ALCAM: variants seen among roughly 807,000 people sequenced by gnomAD.
ALCAM encodes the protein CD166 antigen.
Under a neutral mutation model 70.9 loss-of-function variants are expected in ALCAM, and 30 were observed. That is an observed-to-expected ratio of 0.42 (90% CI 0.32 to 0.57). The LOEUF is 0.57. Among genes scored for constraint, ALCAM ranks in the 20% least tolerant of loss-of-function variants. ALCAM has a pLI of 0.11. For missense variants in ALCAM, 591 were observed against 695.1 expected (o/e 0.85, Z 1.68); for synonymous variants, 249 against 242.5 (o/e 1.03, Z -0.25).
chr3:105,558,944 A>T (rs1940572787), intron 14 of ALCAM, among the ~76,000 whole-genome samples: 1 of 152,006 alleles, frequency 6.6e-6, no homozygotes, highest in Non-Finnish European at 1.5e-5. Context: ...GAATTAATAC[A>T]TGAGGATAAA....
At chr3:105,492,867 A>C (rs1230023762) in intron 1 of ALCAM, among the ~76,000 whole-genome samples, 1 of 152,226 alleles carries the variant, frequency 6.6e-6, no homozygotes, top group Non-Finnish European at 1.5e-5. Flanking sequence ...CTTTTTCAAA[A>C]CTTAATTCCA....
intron 1 of ALCAM, among the ~76,000 whole-genome samples, chr3:105,417,255 A>G (rs1936528868): frequency 6.6e-6 from 1 of 151,322 alleles, no homozygotes; most frequent in Admixed American, 6.6e-5. Flanking sequence ...ATATCTTTCC[A>G]TTTCACCCCA....
intron 14 of ALCAM, among the ~76,000 whole-genome samples, chr3:105,568,144 C>T (rs1374351122): frequency 6.7e-6 from 1 of 149,100 alleles, no homozygotes; most frequent in African/African-American, 2.5e-5. Context: ...CTCACTGCAA[C>T]CTCTGCCTCC....
chr3:105,572,370 G>A (rs1425658233), intron 15 of ALCAM, among the ~76,000 whole-genome samples: 2 of 152,174 alleles, frequency 1.3e-5, no homozygotes, highest in African/African-American at 4.8e-5. Flanking sequence ...TGCTGAGAAT[G>A]ATGGTTTCCA....
chr3:105,418,129 T>C (rs1424303610), intron 1 of ALCAM, among the ~76,000 whole-genome samples: 2 of 151,846 alleles, frequency 1.3e-5, no homozygotes, highest in Non-Finnish European at 1.5e-5. Context: ...GCTGTGGTCT[T>C]TCTTACAAAG....
chr3:105,402,938 C>CTTCTTTTTTTTTTTT (rs1936124536), intron 1 of ALCAM, among the ~76,000 whole-genome samples: 1 of 117,254 alleles, frequency 8.5e-6, no homozygotes, highest in African/African-American at 3.1e-5. Flanking sequence ...AGCTGATGCG[C>CTTCTTTTTTTTTTTT]TTTTTTTTTT....
intron 1 of ALCAM, among the ~76,000 whole-genome samples, chr3:105,430,422 G>A (rs149220848): frequency 5.9e-5 from 9 of 151,892 alleles, no homozygotes; most frequent in African/African-American, 1.9e-4. Flanking sequence ...AGTTTTGAGG[G>A]GTATTGGTCA....
intron 1 of ALCAM, among the ~76,000 whole-genome samples, chr3:105,477,578 G>A (rs1938154831): frequency 1.3e-5 from 2 of 151,938 alleles, no homozygotes; most frequent in African/African-American, 4.8e-5. Context: ...GTTTGGCTTT[G>A]TTCTACTTAA....
At chr3:105,430,791 T>C (rs897138978) in intron 1 of ALCAM, among the ~76,000 whole-genome samples, 6 of 152,140 alleles carry the variant, frequency 3.9e-5, no homozygotes, top group Admixed American at 3.3e-4. Context: ...TTAAATTGTT[T>C]GGATTTATGC....
At chr3:105,427,364 G>T (rs1936816332) in intron 1 of ALCAM, among the ~76,000 whole-genome samples, 1 of 151,918 alleles carries the variant, frequency 6.6e-6, no homozygotes. Flanking sequence ...AAGAAGGGAA[G>T]AAGAACAGCT....
chr3:105,493,166 G>A (rs142572779), intron 1 of ALCAM, among the ~76,000 whole-genome samples: 5 of 152,114 alleles, frequency 3.3e-5, no homozygotes, highest in African/African-American at 1.2e-4. Flanking sequence ...TGCTTGGATA[G>A]CCTTTTGCAA....
intron 1 of ALCAM, among the ~76,000 whole-genome samples, chr3:105,508,542 A>G (rs1939143599): frequency 6.6e-6 from 1 of 152,150 alleles, no homozygotes; most frequent in African/African-American, 2.4e-5. Flanking sequence ...AAACTATAAA[A>G]CACCATAAAA....
intron 1 of ALCAM, among the ~76,000 whole-genome samples, chr3:105,377,111 C>A (rs1335954371): frequency 6.6e-6 from 1 of 152,112 alleles, no homozygotes; most frequent in Admixed American, 6.6e-5. Flanking sequence ...TTGTACCTTT[C>A]CTTTTTCATT....
intron 1 of ALCAM, among the ~76,000 whole-genome samples, chr3:105,486,004 G>T (rs1333114657): frequency 6.6e-6 from 1 of 151,984 alleles, no homozygotes; most frequent in African/African-American, 2.4e-5. Context: ...AGCAAGATCA[G>T]ATTTCTTCAT....
intron 1 of ALCAM, among the ~76,000 whole-genome samples, chr3:105,407,185 T>A (rs150912395): frequency 0.016 from 2,410 of 151,788 alleles, 61 homozygotes; most frequent in African/African-American, 0.055. Context: ...AAAGAGGGAA[T>A]CCTCCCTAAA....
At chr3:105,525,547 C>T (rs1051461880) in intron 3 of ALCAM, among the ~76,000 whole-genome samples, 13 of 152,050 alleles carry the variant, frequency 8.5e-5, no homozygotes, top group South Asian at 2.1e-4. Flanking sequence ...AACTTGACAG[C>T]GCTTAGAAAT....
At position 105,423,798 on chromosome 3, in the gene ALCAM, T is replaced by C. The variant is rs532816937; in HGVS notation, c.73+56317T>C. Among the ~76,000 whole-genome samples the C allele has an allele frequency of 7.2e-5, 11 of 151,736 alleles. No individual in the cohort carries two copies. The East Asian group carries it at 1.9e-3, about 27-fold the overall frequency. ...TTTAACAAACTCTTGAGCTTGTAGTTGAAAGTTCACACACATTTTACAGAA... is the reference window on the plus strand; with the variant it reads ...TTTAACAAACTCTTGAGCTTGTAGTCGAAAGTTCACACACATTTTACAGAA... On this transcript the variant is annotated intron_variant, in intron 1 of 15. Coordinates refer to ENST00000306107, the MANE Select transcript of ALCAM (RefSeq NM_001627.4).
At chr3:105,440,587 CA>C (rs1470203161) in intron 1 of ALCAM, among the ~76,000 whole-genome samples, 1 of 152,124 alleles carries the variant, frequency 6.6e-6, no homozygotes, top group African/African-American at 2.4e-5. Context: ...TAAAAAAAGC[CA>C]GTGTAGTGCT....
At chr3:105,477,465 A>G (rs1938152026) in intron 1 of ALCAM, among the ~76,000 whole-genome samples, 1 of 151,832 alleles carries the variant, frequency 6.6e-6, no homozygotes, top group South Asian at 2.1e-4. Flanking sequence ...TCTTGCCTCA[A>G]TTGTTTCTGA....
Sources: gnomAD v4.1 joint callset for allele counts (sites outside exome capture counted in the v4.1 genomes callset) on GRCh38, gnomAD v4.1.1 for gene constraint, MANE v1.5 for transcripts, NCBI Gene and HGNC (gene_info 2026-07-23, HGNC 2026-07-21) for gene names.